The following NUCB2 variants were observed in gnomAD, a reference collection of about 807,000 sequenced individuals.
NUCB2 encodes the protein nucleobindin-2.
NUCB2 carries 48 observed loss-of-function variants against 57.9 expected under a neutral mutation model. The observed-to-expected ratio is 0.83, with a 90% CI of 0.66 to 1.05. The LOEUF is 1.05. Among genes scored for constraint, NUCB2 ranks in the 50% least tolerant of loss-of-function variants. NUCB2 has a pLI of 0.00. For synonymous variants in NUCB2, 139 were observed against 152.1 expected (o/e 0.91, Z 0.64); for missense variants, 442 against 476.2 (o/e 0.93, Z 0.67).
chr11:17,313,363 C>G (rs1052707332), intron 10 of NUCB2, among the ~76,000 whole-genome samples: 1 of 151,732 alleles, frequency 6.6e-6, no homozygotes, highest in African/African-American at 2.4e-5. Flanking sequence ...AACCCTGTGT[C>G]TACTAAAAAT....
At chr11:17,285,491 T>G (rs541388335) in intron 2 of NUCB2, among the ~76,000 whole-genome samples, 2 of 148,092 alleles carry the variant, frequency 1.4e-5, no homozygotes, top group Non-Finnish European at 3.0e-5. Context: ...GCAGGAGAAT[T>G]GCTTAAACCC....
chr11:17,294,394 GCAT>G (rs1348348044), intron 2 of NUCB2, among the ~76,000 whole-genome samples: 1 of 152,104 alleles, frequency 6.6e-6, no homozygotes, highest in Non-Finnish European at 1.5e-5. Context: ...ACTTTGGGTA[GCAT>G]CTTTATAGAT....
intron 2 of NUCB2, among the ~76,000 whole-genome samples, chr11:17,342,769 C>G (rs1405020999): frequency 6.7e-6 from 1 of 149,314 alleles, no homozygotes; most frequent in Admixed American, 6.7e-5. Context: ...TGGTGTGGTG[C>G]TGAAAAAAAT....
At chr11:17,279,930 A>C (rs771567146) in intron 1 of NUCB2, among the ~76,000 whole-genome samples, 2 of 151,876 alleles carry the variant, frequency 1.3e-5, no homozygotes, top group Non-Finnish European at 2.9e-5. Flanking sequence ...GCTAGGACTA[A>C]AGGAGCATGC....
exon 2 of NUCB2, chr11:17,337,385 A>C (rs1481711158): frequency 1.3e-5 from 2 of 152,196 alleles, no homozygotes; most frequent in Admixed American, 6.5e-5. Flanking sequence ...AAAAACAGTC[A>C]GAGTTAGATG....
rs1951461567 is a variant in NUCB2 at position 17,332,111 on chromosome 11, T to C, written c.*692T>C. 2 of 152,180 alleles carry C rather than the reference T, an allele frequency of 1.3e-5. No individual in the cohort carries two copies. Among genetic ancestry groups the C allele is most frequent in the South Asian group, 4.1e-4 (2 of 4,832 alleles). The allele number at this position is 152,180 out of a possible 1,614,324, so 9.4% of individuals were successfully genotyped here. On this transcript the variant is annotated 3_prime_UTR_variant, in exon 14 of 14. Coordinates refer to ENST00000529010, the MANE Select transcript of NUCB2 (RefSeq NM_005013.4). ...TTTTCTTCTTACATAAGTCTAGAAG[T>C]AGGTGGTGTCCAGGTTCCTATCTTT... is the stretch of plus-strand genomic sequence containing the variant.
At chr11:17,323,341 T>G (rs181075740) in intron 11 of NUCB2, among the ~76,000 whole-genome samples, 1 of 152,314 alleles carries the variant, frequency 6.6e-6, no homozygotes, top group Non-Finnish European at 1.5e-5. Flanking sequence ...AATGATCATA[T>G]GGTTTTTGTT....
chr11:17,309,320 C>CA (rs950664217), intron 5 of NUCB2, among the ~76,000 whole-genome samples: 13 of 145,410 alleles, frequency 8.9e-5, no homozygotes, highest in Admixed American at 2.1e-4. Context: ...GACCATGTCT[C>CA]AAAAAAAAAA....
chr11:17,348,736 G>A (rs1031577948), intron 2 of NUCB2, among the ~76,000 whole-genome samples: 4 of 151,876 alleles, frequency 2.6e-5, no homozygotes, highest in African/African-American at 9.7e-5. Flanking sequence ...TTGTTGCTGA[G>A]GGGCAACTTG....
chr11:17,331,640 C>G lies in NUCB2; in HGVS notation c.*221C>G, dbSNP rs1489548771. 2.6e-6 allele frequency: 1 copy of G among 388,018 alleles called. No individual in the cohort carries two copies. The highest frequency in any genetic ancestry group is 4.6e-6 in the Non-Finnish European group (1 of 215,424). 24.0% of individuals were successfully genotyped at this position (388,018 alleles called of 1,614,324 possible). On this transcript the variant is annotated 3_prime_UTR_variant, in exon 14 of 14. Coordinates refer to ENST00000529010, the MANE Select transcript of NUCB2 (RefSeq NM_005013.4). ...AAACAAACTCACTGTCTGCTCTCTGCTCTCACATTCACACGGCTCTTTTAT... is the reference window on the plus strand; with the variant it reads ...AAACAAACTCACTGTCTGCTCTCTGGTCTCACATTCACACGGCTCTTTTAT...
chr11:17,312,651 C>T (rs546511187), intron 10 of NUCB2, among the ~76,000 whole-genome samples: 36 of 151,992 alleles, frequency 2.4e-4, no homozygotes, highest in Non-Finnish European at 3.8e-4. Flanking sequence ...GATCCATCCG[C>T]CTTGGCCTCC....
At position 17,309,639 on chromosome 11, in the gene NUCB2, G is replaced by A; in HGVS notation, c.447G>A (p.Lys149=). 6.2e-7 allele frequency: 1 copy of A among 1,607,028 alleles called. No individual in the cohort carries two copies. Among genetic ancestry groups the A allele is most frequent in the Non-Finnish European group, 8.5e-7 (1 of 1,177,560 alleles). ...ACCTAAACCACCTGAATCCTGACAA[G>A]TTTGAATCCACAGATTTAGATATGC... ...FDHLNHLNPD[K]FESTDLDMLI... Residue 149 remains lysine, a synonymous_variant, in exon 6 of 14, where the codon AAG becomes AAA. Transcript: ENST00000529010.
intron 11 of NUCB2, among the ~76,000 whole-genome samples, chr11:17,320,285 T>C (rs1402779839): frequency 1.3e-5 from 2 of 152,216 alleles, no homozygotes; most frequent in Non-Finnish European, 2.9e-5. Context: ...TAAAAATATT[T>C]CATTTATTCA....
Position 17,315,488 on chromosome 11 carries a change from A to C in NUCB2, c.1002+13A>C, listed in dbSNP as rs768523310. ...AGATAGCTGGGAGGTAATAGAACCT[A>C]CTCTAAATGAGATGTATGGTTCAAC... On this transcript the variant is annotated intron_variant, in intron 11 of 13. Coordinates refer to ENST00000529010, the MANE Select transcript of NUCB2 (RefSeq NM_005013.4). The C allele has an allele frequency of 2.0e-6, 3 of 1,514,942 alleles. No individual in the cohort carries two copies. The East Asian group carries it at 6.8e-5, about 34-fold the overall frequency. The allele number at this position is 1,514,942 out of a possible 1,614,324, so 93.8% of individuals were successfully genotyped here.
intron 8 of NUCB2, 76 bp from the exon 9 acceptor site, chr11:17,311,796 T>G: frequency 9.8e-7 from 1 of 1,020,444 alleles, no homozygotes; most frequent in East Asian, 2.5e-5. Context: ...TTGTAAACCC[T>G]TTATAAATCA....
chr11:17,305,027 A>G (rs1430266148), intron 5 of NUCB2, among the ~76,000 whole-genome samples: 1 of 152,248 alleles, frequency 6.6e-6, no homozygotes, highest in African/African-American at 2.4e-5. Context: ...GTGCATATGA[A>G]AAAGGACACG....
At chr11:17,300,050 G>A (rs544301260) in intron 4 of NUCB2, among the ~76,000 whole-genome samples, 65 of 150,854 alleles carry the variant, frequency 4.3e-4, no homozygotes, top group African/African-American at 1.3e-3. Context: ...TTGCTCTGTC[G>A]CCCAGGCTGC....
At chr11:17,309,087 G>A (rs1247567620) in intron 5 of NUCB2, among the ~76,000 whole-genome samples, 1 of 152,090 alleles carries the variant, frequency 6.6e-6, no homozygotes, top group Non-Finnish European at 1.5e-5. Context: ...GCTGAGTTGG[G>A]AGGATCACTT....
At chr11:17,287,524 T>C (rs191888916) in intron 2 of NUCB2, among the ~76,000 whole-genome samples, 7 of 151,374 alleles carry the variant, frequency 4.6e-5, no homozygotes, top group African/African-American at 1.7e-4. Context: ...ATACAAAAAA[T>C]TAGCAGGGCA....
Sources: allele counts gnomAD v4.1 joint callset (sites outside exome capture counted in the v4.1 genomes callset), GRCh38; gene constraint gnomAD v4.1.1; transcripts MANE v1.5; gene names NCBI Gene and HGNC (gene_info 2026-07-23, HGNC 2026-07-21).